EPC1: variants seen among roughly 807,000 people sequenced by gnomAD.
EPC1 encodes enhancer of polycomb homolog 1.
A neutral mutation model predicts 98.4 loss-of-function variants in EPC1; 12 were observed. That is an observed-to-expected ratio of 0.12 (90% CI 0.08 to 0.20). EPC1 has a LOEUF of 0.20. EPC1 is among the 10% of genes least tolerant of loss of function. The pLI is 1.00. For synonymous variants in EPC1, 357 were observed against 363.9 expected (o/e 0.98, Z 0.21); for missense variants, 729 against 990.5 (o/e 0.74, Z 3.54).
At chr10:32,370,409 A>G (rs900357020) in intron 1 of EPC1, among the ~76,000 whole-genome samples, 11 of 152,344 alleles carry the variant, frequency 7.2e-5, no homozygotes, top group African/African-American at 2.2e-4. Flanking sequence ...GCCTGTCTCT[A>G]TAACTTAGCA....
intron 2 of EPC1, among the ~76,000 whole-genome samples, chr10:32,296,080 C>T (rs148394044): frequency 0.018 from 2,738 of 151,994 alleles, 82 homozygotes; most frequent in African/African-American, 0.062. Context: ...CCTGCCACCA[C>T]GCCTGGCTAA....
intron 1 of EPC1, among the ~76,000 whole-genome samples, chr10:32,319,305 CT>C (rs1836741918): frequency 6.6e-6 from 1 of 152,188 alleles, no homozygotes; most frequent in African/African-American, 2.4e-5. Flanking sequence ...TCCATGACCC[CT>C]GAACAACCTG....
intron 1 of EPC1, among the ~76,000 whole-genome samples, chr10:32,323,760 TCTGA>T (rs1018174437): frequency 9.9e-5 from 15 of 152,190 alleles, no homozygotes; most frequent in Admixed American, 5.9e-4. Context: ...ATATTAGCTC[TCTGA>T]CTAATGAAAT....
intron 11 of EPC1, 89 bp from the exon 12 acceptor site, chr10:32,272,256 A>T (rs1237427161): frequency 1.7e-5 from 19 of 1,117,014 alleles, no homozygotes; most frequent in Non-Finnish European, 2.2e-5. Flanking sequence ...AATCAGTTTG[A>T]ATATAAGTAA....
At chr10:32,318,296 C>G (rs1421064847) in intron 1 of EPC1, among the ~76,000 whole-genome samples, 5 of 152,132 alleles carry the variant, frequency 3.3e-5, no homozygotes, top group African/African-American at 1.2e-4. Flanking sequence ...AATACAGATA[C>G]AAATGTGTCT....
chr10:32,343,268 T>TG (rs1461483436), intron 1 of EPC1, among the ~76,000 whole-genome samples: 1 of 152,186 alleles, frequency 6.6e-6, no homozygotes, highest in Admixed American at 6.5e-5. Flanking sequence ...GTGAGTGCAG[T>TG]GGGGGGATCT....
rs764132948 is a variant in EPC1 at position 32,286,684 on chromosome 10, A to G, written c.1391+10T>C. ...AATATCCTTCTGCTAGGAATACAGA[A>G]ATACCTTACCTTCCACCGCGCCCAA... On this transcript the variant is annotated intron_variant, in intron 9 of 13. Transcript: ENST00000319778. 37 of 1,613,422 alleles carry G rather than the reference A, an allele frequency of 2.3e-5. No homozygotes were observed. Among genetic ancestry groups the G allele is most frequent in the Non-Finnish European group, 3.1e-5 (36 of 1,179,820 alleles).
intron 1 of EPC1, among the ~76,000 whole-genome samples, chr10:32,369,863 A>G (rs1839699825): frequency 6.6e-6 from 1 of 152,202 alleles, no homozygotes; most frequent in Non-Finnish European, 1.5e-5. Flanking sequence ...AGTACTAAAG[A>G]AGGCAATTAT....
intron 1 of EPC1, among the ~76,000 whole-genome samples, chr10:32,364,001 CATTTTTTTTTTTTTT>C (rs1490711948): frequency 7.1e-4 from 44 of 61,860 alleles, no homozygotes; most frequent in South Asian, 1.9e-3. Flanking sequence ...ATCATGTTGG[CATTTTTTTTTTTTTT>C]TTTTTTTTTT....
chr10:32,366,286 AT>A (rs1317276323), intron 1 of EPC1, among the ~76,000 whole-genome samples: 2 of 152,230 alleles, frequency 1.3e-5, no homozygotes, highest in African/African-American at 4.8e-5. Flanking sequence ...GCCAGGGGAA[AT>A]ATAAAAGAAA....
chr10:32,345,777 G>A (rs1314716750), intron 1 of EPC1, among the ~76,000 whole-genome samples: 2 of 152,170 alleles, frequency 1.3e-5, no homozygotes, highest in African/African-American at 4.8e-5. Context: ...TAAGATTTCT[G>A]TGAATCAAGT....
At chr10:32,340,929 T>C (rs962283556) in intron 1 of EPC1, among the ~76,000 whole-genome samples, 2 of 84,906 alleles carry the variant, frequency 2.4e-5, no homozygotes, top group Non-Finnish European at 5.9e-5. Flanking sequence ...CAAAAAGTTA[T>C]TGTTATCAAT....
chr10:32,346,445 C>T, intron 1 of EPC1: 1 of 279,352 alleles, frequency 3.6e-6, no homozygotes. Flanking sequence ...GCACAAGGCC[C>T]AACCCAAGAA....
chr10:32,343,462 C>A (rs1481221820), intron 1 of EPC1, among the ~76,000 whole-genome samples: 2 of 152,206 alleles, frequency 1.3e-5, no homozygotes, highest in African/African-American at 4.8e-5. Context: ...CCACCCGCCT[C>A]GGCCTCCCAA....
intron 2 of EPC1, among the ~76,000 whole-genome samples, chr10:32,296,089 A>G (rs183064206): frequency 1.3e-5 from 2 of 151,522 alleles, no homozygotes; most frequent in East Asian, 3.9e-4. Context: ...ACGCCTGGCT[A>G]ATTTTCGTAG....
chr10:32,361,235 T>G (rs1181796063), intron 1 of EPC1, among the ~76,000 whole-genome samples: 1 of 152,172 alleles, frequency 6.6e-6, no homozygotes, highest in Admixed American at 6.5e-5. Context: ...CAGCTCTGCT[T>G]TTTTCTAGCT....
At chr10:32,312,590 C>G (rs957899437) in intron 1 of EPC1, among the ~76,000 whole-genome samples, 11 of 152,090 alleles carry the variant, frequency 7.2e-5, no homozygotes, top group Non-Finnish European at 1.5e-4. Context: ...TCTCCCTACA[C>G]CTGCACCCCC....
At chr10:32,348,627 A>G (rs1309628278), upstream of EPC1, among the ~76,000 whole-genome samples, 4 of 152,212 alleles carry the variant, frequency 2.6e-5, no homozygotes, top group Admixed American at 2.0e-4. Context: ...AGTGAGGCAT[A>G]AGGACGTTCA....
intron 1 of EPC1, among the ~76,000 whole-genome samples, chr10:32,364,017 T>C (rs1342121589): frequency 3.4e-4 from 45 of 132,186 alleles, no homozygotes; most frequent in South Asian, 7.9e-4. Flanking sequence ...TTTTTTTTTT[T>C]TTTTTTTTTT....
Sources: allele counts gnomAD v4.1 joint callset (sites outside exome capture counted in the v4.1 genomes callset), GRCh38; gene constraint gnomAD v4.1.1; transcripts MANE v1.5; gene names NCBI Gene and HGNC (gene_info 2026-07-23, HGNC 2026-07-21).